STOX1: variants seen among roughly 807,000 people sequenced by gnomAD.
STOX1 encodes the protein storkhead box 1.
In STOX1, 57 loss-of-function variants were observed where a neutral mutation model predicts 74.8. That is an observed-to-expected ratio of 0.76 (90% CI 0.62 to 0.95). STOX1 has a LOEUF of 0.95. Ranked by LOEUF, STOX1 falls within the 40% of genes least tolerant of loss-of-function variation. STOX1 has a pLI of 0.00. For synonymous variants in STOX1, 375 were observed against 401.3 expected, an observed-to-expected ratio of 0.93 and a Z score of 0.78; for missense variants, 1,010 against 1,117.0, an observed-to-expected ratio of 0.90 and a Z score of 1.37.
At chr10:68,865,185 C>G (rs1408019487) in intron 1 of STOX1, among the ~76,000 whole-genome samples, 1 of 152,202 alleles carries the variant, frequency 6.6e-6, no homozygotes, top group Admixed American at 6.5e-5. Flanking sequence ...GCCCTACATA[C>G]GTCTGGCAAA....
At chr10:68,841,066 G>A (rs1839681956) in intron 1 of STOX1, among the ~76,000 whole-genome samples, 1 of 151,868 alleles carries the variant, frequency 6.6e-6, no homozygotes, top group Non-Finnish European at 1.5e-5. Flanking sequence ...TCCTGCTTCA[G>A]CCTCCTGAGT....
At position 68,853,071 on chromosome 10, in the gene STOX1, C is replaced by T. The variant is rs562578192; in HGVS notation, c.310+25138C>T. 2.0e-4 allele frequency among the ~76,000 whole-genome samples: 30 copies of T among 151,418 alleles called. 2 individuals carry two copies. The South Asian group carries it at 5.4e-3, about 27-fold the overall frequency. ...CCGAGTAGCTGGGATTACAGGCATG[C>T]GCCACCATGCCCAGCTAATTTTTTG... is the stretch of plus-strand genomic sequence containing the variant. On this transcript the variant is annotated intron_variant, in intron 1 of 3. Transcript: ENST00000298596.
In STOX1 at chr10:68,884,245, G is replaced by T. The variant is rs1840879630; in HGVS notation, c.464-15G>T. 1 of 1,612,894 alleles carries T rather than the reference G, an allele frequency of 6.2e-7. No homozygotes were observed. The highest frequency in any genetic ancestry group is 1.7e-5 in the Admixed American group (1 of 59,996). On this transcript the variant is annotated splice_polypyrimidine_tract_variant and intron_variant, in intron 2 of 3. Transcript: ENST00000298596. ...CTTATTCAAAATCTATCTGTAAAATGCTTGTCTGTTTTAGGCATTGCAATT... is the reference window on the plus strand; with the variant it reads ...CTTATTCAAAATCTATCTGTAAAATTCTTGTCTGTTTTAGGCATTGCAATT...
Position 68,884,911 on chromosome 10 carries a change from A to G in STOX1, c.1115A>G (p.Asp372Gly), listed in dbSNP as rs201166923. The part of the protein sequence containing the change: ...IKRINPILTV[D>G]NLIKHTVLMQ... ...CGAATTAACCCCATTTTGACTGTTG[A>G]CAATTTAATCAAACACACTGTCCTA... The change falls in exon 3 of 4, where the codon GAC (aspartate) becomes GGC (glycine). Residue 372 changes from aspartate to glycine, a missense_variant. Physicochemically the swap from Asp to Gly is moderately conservative, Grantham distance 94 (BLOSUM62 -1). Transcript: ENST00000298596. The G allele has an allele frequency of 6.2e-5, 100 of 1,614,016 alleles. 1 individual carries two copies. Among genetic ancestry groups the G allele is most frequent in the Non-Finnish European group, 7.1e-5 (84 of 1,180,030 alleles).
rs191948443 is a variant in STOX1 at position 68,871,402 on chromosome 10, G to T, written c.311-10556G>T. ...AGTGAATATATCACCCGAAAAGGAGGCCACTAACTAAATTCTGGCAGGTTG... is the reference window on the plus strand; with the variant it reads ...AGTGAATATATCACCCGAAAAGGAGTCCACTAACTAAATTCTGGCAGGTTG... On this transcript the variant is annotated intron_variant, in intron 1 of 3. Transcript: ENST00000298596. 7.2e-4 allele frequency among the ~76,000 whole-genome samples: 110 copies of T among 152,326 alleles called. 1 individual carries two copies. Among genetic ancestry groups the T allele is most frequent in the South Asian group, 2.1e-4 (1 of 4,828 alleles).
chr10:68,828,390 C>A, intron 1 of STOX1: 1 of 798,048 alleles, frequency 1.3e-6, no homozygotes, highest in Non-Finnish European at 1.6e-6. Flanking sequence ...CTCTGAGGGC[C>A]CGGGGGCTGC....
rs1033210133 is a variant in STOX1 at position 68,855,818 on chromosome 10, G to A, written c.311-26140G>A. Reference sequence around the variant, plus strand: ...TCTCCCATCAGCTGATAAACTTGGGGGCCCCTCCCAATTCAGCCCAAATAA... The same window carrying A: ...TCTCCCATCAGCTGATAAACTTGGGAGCCCCTCCCAATTCAGCCCAAATAA... On this transcript the variant is annotated intron_variant, in intron 1 of 3. Coordinates refer to ENST00000298596, the MANE Select transcript of STOX1 (RefSeq NM_152709.5). 1.2e-4 allele frequency among the ~76,000 whole-genome samples: 18 copies of A among 151,898 alleles called. 1 individual carries two copies. The highest frequency in any genetic ancestry group is 4.4e-4 in the African/African-American group (18 of 41,262).
intron 1 of STOX1, among the ~76,000 whole-genome samples, chr10:68,860,920 C>T (rs913161159): frequency 2.0e-5 from 3 of 152,012 alleles, no homozygotes; most frequent in African/African-American, 4.8e-5. Flanking sequence ...AAAGAAAAGT[C>T]AGGATTGGCC....
At chr10:68,865,845 G>A (rs931324723) in intron 1 of STOX1, among the ~76,000 whole-genome samples, 3 of 152,078 alleles carry the variant, frequency 2.0e-5, no homozygotes, top group Non-Finnish European at 4.4e-5. Flanking sequence ...TGTTCTTTGA[G>A]TAATTCATTT....
chr10:68,840,014 G>C (rs903357563), intron 1 of STOX1, among the ~76,000 whole-genome samples: 4 of 152,136 alleles, frequency 2.6e-5, no homozygotes, highest in African/African-American at 9.7e-5. Context: ...ACAGGATAGA[G>C]AGCCCAGAAA....
chr10:68,850,415 C>T (rs1257092734), intron 1 of STOX1, among the ~76,000 whole-genome samples: 3 of 152,214 alleles, frequency 2.0e-5, no homozygotes, highest in Non-Finnish European at 4.4e-5. Context: ...CTCCCTCCCA[C>T]CTTAAACACT....
chr10:68,875,698 A>G lies in STOX1; in HGVS notation c.311-6260A>G, dbSNP rs919569582. On this transcript the variant is annotated intron_variant, in intron 1 of 3. Transcript: ENST00000298596. The stretch of plus-strand genomic sequence containing the variant: ...TGAGGTCTTGGGTTGCACTGGAACA[A>G]TATTGTTGAGCTATTGTCACCAACT... Among the ~76,000 whole-genome samples, 9 of 152,158 alleles carry G rather than the reference A, an allele frequency of 5.9e-5. No individual in the cohort carries two copies. In the South Asian group the frequency reaches 1.5e-3, roughly 25 times the overall value.
intron 1 of STOX1, among the ~76,000 whole-genome samples, chr10:68,854,066 G>A (rs1208769460): frequency 6.6e-6 from 1 of 151,646 alleles, no homozygotes; most frequent in Admixed American, 6.6e-5. Context: ...CACAATATCA[G>A]CTCACTGCAA....
At chr10:68,828,955 C>A in intron 1 of STOX1, 3 of 985,326 alleles carry the variant, frequency 3.0e-6, no homozygotes, top group Non-Finnish European at 3.6e-6. Flanking sequence ...AACCACCGCA[C>A]CCGTGAGTGG....
chr10:68,846,660 A>G (rs1050250505), intron 1 of STOX1: 4 of 152,154 alleles, frequency 2.6e-5, no homozygotes, highest in Admixed American at 2.6e-4. Context: ...CTGTAGCTGT[A>G]TAGAAGTCAG....
At chr10:68,835,730 T>C (rs1039256810) in intron 1 of STOX1, among the ~76,000 whole-genome samples, 3 of 152,258 alleles carry the variant, frequency 2.0e-5, no homozygotes, top group Non-Finnish European at 4.4e-5. Flanking sequence ...CTTCCGCTTA[T>C]GCGCATTCCT....
At chr10:68,831,929 C>T (rs74847894) in intron 1 of STOX1, among the ~76,000 whole-genome samples, 2 of 143,336 alleles carry the variant, frequency 1.4e-5, no homozygotes, top group Admixed American at 1.4e-4. Context: ...CTTTTCTTTT[C>T]TTTTTTTTTT....
chr10:68,859,988 C>T lies in STOX1; in HGVS notation c.311-21970C>T, dbSNP rs115801501. On this transcript the variant is annotated intron_variant, in intron 1 of 3. Coordinates refer to ENST00000298596, the MANE Select transcript of STOX1 (RefSeq NM_152709.5). ...GAAAGAATCGGAGATGAAGGAAGGG[C>T]CTTTAAAAAAGTTTCACTGGCGGCT... Among the ~76,000 whole-genome samples, 788 of 151,928 alleles carry T rather than the reference C, an allele frequency of 5.2e-3. 8 individuals carry two copies. Among genetic ancestry groups the T allele is most frequent in the African/African-American group, 0.018 (741 of 41,360 alleles).
chr10:68,864,624 G>T (rs1323959993), intron 1 of STOX1, among the ~76,000 whole-genome samples: 1 of 152,196 alleles, frequency 6.6e-6, no homozygotes, highest in African/African-American at 2.4e-5. Context: ...TATGTGGAAG[G>T]AAAATCCACT....
Sources: gnomAD v4.1 joint callset for allele counts (sites outside exome capture counted in the v4.1 genomes callset) on GRCh38, gnomAD v4.1.1 for gene constraint, MANE v1.5 for transcripts, NCBI Gene and HGNC (gene_info 2026-07-23, HGNC 2026-07-21) for gene names.